TRIM33: variants seen among roughly 807,000 people sequenced by gnomAD.
TRIM33 encodes E3 ubiquitin-protein ligase TRIM33.
In TRIM33, 20 loss-of-function variants were observed where a neutral mutation model predicts 125.4. The observed-to-expected ratio is 0.16, with a 90% CI of 0.11 to 0.23. The LOEUF is 0.23. Ranked by LOEUF, TRIM33 falls within the 10% of genes least tolerant of loss-of-function variation. The pLI is 1.00. For missense variants in TRIM33, 920 were observed against 1,411.4 expected (o/e 0.65, Z 5.58); for synonymous variants, 564 against 513.9 (o/e 1.10, Z -1.32).
rs771802512 is a variant in TRIM33, at chr1:114,407,117, A to G, written c.2259-17T>C. On this transcript the variant is annotated splice_polypyrimidine_tract_variant and intron_variant, in intron 13 of 19. Coordinates refer to ENST00000358465, the MANE Select transcript of TRIM33 (RefSeq NM_015906.4). The stretch of plus-strand genomic sequence containing the variant: ...GACCCACAGCTAATAAGAAACAACA[A>G]ATAAAGATCACATACGTTTGACTAT... 2.3e-5 allele frequency: 37 copies of G among 1,603,534 alleles called. No individual in the cohort carries two copies. Among genetic ancestry groups the G allele is most frequent in the Non-Finnish European group, 3.1e-5 (36 of 1,175,454 alleles).
rs937678722 is a variant in TRIM33, at chr1:114,396,362, C to T, written c.*1286G>A. Reference sequence around the variant, plus strand: ...TCATTTTCAGGATTTACTTACAGGTCTCTTCTAAGTCCTTTAAGCCCCCAG... The same window carrying T: ...TCATTTTCAGGATTTACTTACAGGTTTCTTCTAAGTCCTTTAAGCCCCCAG... On this transcript the variant is annotated 3_prime_UTR_variant, in exon 20 of 20. Coordinates refer to ENST00000358465, the MANE Select transcript of TRIM33 (RefSeq NM_015906.4). 1.4e-4 allele frequency: 28 copies of T among 203,774 alleles called. No homozygotes were observed. Among genetic ancestry groups the T allele is most frequent in the African/African-American group, 2.1e-4 (9 of 43,610 alleles). 12.6% of individuals were successfully genotyped at this position (203,774 alleles called of 1,614,324 possible).
intron 11 of TRIM33, among the ~76,000 whole-genome samples, chr1:114,420,757 C>A (rs1296950727): frequency 6.6e-6 from 1 of 152,186 alleles, no homozygotes; most frequent in Non-Finnish European, 1.5e-5. Flanking sequence ...TCTAACTCCA[C>A]TAACTCATCA....
In TRIM33 at chr1:114,414,989, A is replaced by ATTTTTTTTT. The variant is rs56960865; in HGVS notation, c.2062-4682_2062-4674dup. 4.2e-3 allele frequency among the ~76,000 whole-genome samples: 436 copies of ATTTTTTTTT among 104,684 alleles called. 21 individuals are homozygous for ATTTTTTTTT. Among genetic ancestry groups the ATTTTTTTTT allele is most frequent in the Non-Finnish European group, 6.2e-3 (333 of 53,488 alleles). 68.7% of individuals were successfully genotyped at this position (104,684 alleles called of 152,430 possible). On this transcript the variant is annotated intron_variant, in intron 11 of 19. Transcript: ENST00000358465. The stretch of plus-strand genomic sequence containing the variant: ...CCAACATATCCATGAGGTAGATTCT[A>ATTTTTTTTT]TTTTTTTTTTTTTTTTTTTTTTTGA...
At chr1:114,478,305 G>T (rs1165224546) in intron 1 of TRIM33, among the ~76,000 whole-genome samples, 1 of 152,170 alleles carries the variant, frequency 6.6e-6, no homozygotes, top group East Asian at 1.9e-4. Context: ...AGAATCAATT[G>T]GGGAGAGAGG....
At chr1:114,483,809 G>A (rs1177077362) in intron 1 of TRIM33, among the ~76,000 whole-genome samples, 3 of 152,040 alleles carry the variant, frequency 2.0e-5, no homozygotes, top group African/African-American at 7.2e-5. Flanking sequence ...ATTTCAAGAG[G>A]CCAATATCAC....
In TRIM33 at chr1:114,393,452, G is replaced by A. The variant is rs1651384145; in HGVS notation, c.*4196C>T. ...CATAAATTTGGTGAATTTAAAAGAGGAGCATTTTTAATTTTAAAGATCACT... is the reference window on the plus strand; with the variant it reads ...CATAAATTTGGTGAATTTAAAAGAGAAGCATTTTTAATTTTAAAGATCACT... On this transcript the variant is annotated 3_prime_UTR_variant, in exon 20 of 20. Transcript: ENST00000358465. 9.9e-6 allele frequency: 2 copies of A among 201,872 alleles called. No homozygotes were observed. The highest frequency in any genetic ancestry group is 7.7e-5 in the East Asian group (1 of 13,036). The allele number at this position is 201,872 out of a possible 1,614,324, so 12.5% of individuals were successfully genotyped here.
intron 1 of TRIM33, among the ~76,000 whole-genome samples, chr1:114,480,376 G>A (rs1000444317): frequency 4.6e-5 from 7 of 151,284 alleles, no homozygotes; most frequent in African/African-American, 1.7e-4. Context: ...AGGAAAACCA[G>A]AGACCTTTGT....
intron 1 of TRIM33, among the ~76,000 whole-genome samples, chr1:114,467,356 G>A (rs957252363): frequency 2.0e-5 from 3 of 152,172 alleles, no homozygotes; most frequent in African/African-American, 7.2e-5. Context: ...TGAGGAAAAA[G>A]TGTTTTAGCC....
intron 4 of TRIM33, among the ~76,000 whole-genome samples, chr1:114,461,862 A>G (rs1650023108): frequency 6.6e-6 from 1 of 152,246 alleles, no homozygotes; most frequent in Admixed American, 6.5e-5. Context: ...AGGTTAAGAC[A>G]TTTCTGAACA....
In TRIM33 at chr1:114,421,371, AT is replaced by A. The variant is rs542854313; in HGVS notation, c.2061+64del. On this transcript the variant is annotated intron_variant, in intron 11 of 19. Transcript: ENST00000358465. Reference sequence around the variant, plus strand: ...TGAATTAAAAAAAAAAAACTCTGAAATAAATACTCTAACTCTGTAATTAACA... The same window carrying A: ...TGAATTAAAAAAAAAAAACTCTGAAAAAATACTCTAACTCTGTAATTAACA... The A allele has an allele frequency of 3.2e-3, 4,616 of 1,451,034 alleles. 21 individuals are homozygous for A. The highest frequency in any genetic ancestry group is 1.0e-2 in the South Asian group (812 of 81,276). 89.9% of individuals were successfully genotyped at this position (1,451,034 alleles called of 1,614,324 possible). A position where few individuals can be genotyped will look rare whatever the true frequency, so the allele number is the denominator to read the frequency against.
At chr1:114,419,200 C>CAAAAAAA (rs35757503) in intron 11 of TRIM33, among the ~76,000 whole-genome samples, 12 of 54,290 alleles carry the variant, frequency 2.2e-4, no homozygotes, top group Middle Eastern at 8.6e-3. Flanking sequence ...GACACCATCT[C>CAAAAAAA]AAAAAAAAAA....
intron 1 of TRIM33, among the ~76,000 whole-genome samples, chr1:114,473,681 T>C (rs1446113205): frequency 6.6e-6 from 1 of 152,112 alleles, no homozygotes; most frequent in Non-Finnish European, 1.5e-5. Flanking sequence ...GGCAAAGAAT[T>C]GAACACACTG....
chr1:114,477,787 A>C (rs1196150543), intron 1 of TRIM33, among the ~76,000 whole-genome samples: 1 of 152,212 alleles, frequency 6.6e-6, no homozygotes. Context: ...GAACCAACAA[A>C]CTAAATTTTA....
intron 5 of TRIM33, 115 bp downstream of exon 5, chr1:114,433,502 C>T: frequency 1.7e-6 from 1 of 601,694 alleles, no homozygotes; most frequent in Non-Finnish European, 2.9e-6. Flanking sequence ...CATACCATTT[C>T]CCCCTCAAAA....
At chr1:114,420,504 A>G (rs1418464033) in intron 11 of TRIM33, 3 of 901,830 alleles carry the variant, frequency 3.3e-6, no homozygotes, top group African/African-American at 3.4e-5. Context: ...AGTGATATTA[A>G]TCCACCATTA....
Position 114,448,822 on chromosome 1 carries a change from G to C in TRIM33, c.923+14282C>G, listed in dbSNP as rs190733935. Among the ~76,000 whole-genome samples the C allele has an allele frequency of 2.1e-3, 318 of 152,212 alleles. 1 individual carries two copies. The highest frequency in any genetic ancestry group is 7.2e-3 in the African/African-American group (297 of 41,510). The stretch of plus-strand genomic sequence containing the variant: ...AGCTGGAGTAACAGATGTGGCCACA[G>C]AGAGGAATGCTTAAAATTGAATAGA... On this transcript the variant is annotated intron_variant, in intron 4 of 19. Transcript: ENST00000358465.
intron 1 of TRIM33, chr1:114,490,685 A>G (rs1371924374): frequency 1.3e-5 from 2 of 152,196 alleles, no homozygotes; most frequent in African/African-American, 2.4e-5. Context: ...TATAGCCATA[A>G]AAGAGTATAT....
At chr1:114,403,840 T>C (rs1275671262) in intron 15 of TRIM33, among the ~76,000 whole-genome samples, 2 of 152,042 alleles carry the variant, frequency 1.3e-5, no homozygotes, top group Admixed American at 6.6e-5. Context: ...TTTGTATTTT[T>C]AGTAGAGATT....
chr1:114,507,950 C>A (rs1402524637), intron 1 of TRIM33, among the ~76,000 whole-genome samples: 2 of 152,090 alleles, frequency 1.3e-5, no homozygotes, highest in Non-Finnish European at 2.9e-5. Flanking sequence ...AACCCCGTCT[C>A]TACTAAAAAC....
Sources: allele counts gnomAD v4.1 joint callset (sites outside exome capture counted in the v4.1 genomes callset), GRCh38; gene constraint gnomAD v4.1.1; transcripts MANE v1.5; gene names NCBI Gene and HGNC (gene_info 2026-07-23, HGNC 2026-07-21).